Variants in NTRK3 observed in about 807,000 individuals in gnomAD.
The protein encoded by NTRK3 is NT-3 growth factor receptor.
A neutral mutation model predicts 91.7 loss-of-function variants in NTRK3; 24 were observed. That is an observed-to-expected ratio of 0.26 (90% CI 0.19 to 0.37). The LOEUF (loss-of-function observed/expected upper bound fraction) is 0.37. NTRK3 is among the 10% of genes least tolerant of loss of function. The pLI, the probability that NTRK3 is intolerant of heterozygous loss-of-function variation, is 1.00. For synonymous variants in NTRK3, 483 were observed against 404.0 expected (o/e 1.20, Z -2.34); for missense variants, 880 against 1,068.9 (o/e 0.82, Z 2.46).
intron 14 of NTRK3, among the ~76,000 whole-genome samples, chr15:88,003,913 T>C (rs1181505733): frequency 6.6e-6 from 1 of 151,680 alleles, no homozygotes; most frequent in Admixed American, 6.6e-5. Context: ...TGTATTCTCA[T>C]GGATGGAGAA....
At chr15:88,063,787 C>A (rs886394752) in intron 13 of NTRK3, among the ~76,000 whole-genome samples, 2 of 152,158 alleles carry the variant, frequency 1.3e-5, no homozygotes, top group East Asian at 3.9e-4. Flanking sequence ...TGAACCACTC[C>A]CCACAACTTC....
chr15:88,219,151 C>T (rs749664276), intron 3 of NTRK3, among the ~76,000 whole-genome samples: 1 of 152,222 alleles, frequency 6.6e-6, no homozygotes, highest in Non-Finnish European at 1.5e-5. Flanking sequence ...GGATGGCACC[C>T]GCCTGGGCAG....
intron 5 of NTRK3, among the ~76,000 whole-genome samples, chr15:88,176,815 T>C (rs2046041633): frequency 6.6e-6 from 1 of 152,194 alleles, no homozygotes; most frequent in East Asian, 1.9e-4. Flanking sequence ...GAGTATCAAC[T>C]CTTAAATAGC....
At chr15:87,893,439 C>T (rs1482917025) in intron 17 of NTRK3, among the ~76,000 whole-genome samples, 2 of 152,218 alleles carry the variant, frequency 1.3e-5, no homozygotes, top group Non-Finnish European at 1.5e-5. Context: ...GGGCAGAATG[C>T]CCCGCATGGC....
At chr15:88,251,969 A>C (rs2053431976) in intron 3 of NTRK3, among the ~76,000 whole-genome samples, 1 of 152,012 alleles carries the variant, frequency 6.6e-6, no homozygotes, top group Non-Finnish European at 1.5e-5. Context: ...TGTATGACAG[A>C]AGCTTGACCT....
At chr15:87,941,003 T>C (rs2069786813) in intron 14 of NTRK3, among the ~76,000 whole-genome samples, 1 of 152,206 alleles carries the variant, frequency 6.6e-6, no homozygotes, top group Admixed American at 6.5e-5. Context: ...CATCCTCTGC[T>C]GGCAAATGGA....
At chr15:88,192,830 T>C (rs1251538126) in intron 3 of NTRK3, among the ~76,000 whole-genome samples, 2 of 152,056 alleles carry the variant, frequency 1.3e-5, no homozygotes, top group African/African-American at 2.4e-5. Flanking sequence ...AAAATCACCT[T>C]CTCGGAGAAG....
intron 5 of NTRK3, among the ~76,000 whole-genome samples, chr15:88,170,944 C>A (rs1305032914): frequency 6.6e-6 from 1 of 152,168 alleles, no homozygotes; most frequent in Non-Finnish European, 1.5e-5. Context: ...CCACCCCAGG[C>A]CCTCTAGAGA....
chr15:87,995,463 T>C (rs2075619451), intron 14 of NTRK3, among the ~76,000 whole-genome samples: 1 of 152,136 alleles, frequency 6.6e-6, no homozygotes, highest in Non-Finnish European at 1.5e-5. Context: ...AAGTTATTCC[T>C]GGAATAAAGC....
intron 14 of NTRK3, among the ~76,000 whole-genome samples, chr15:87,948,194 C>T (rs1394123856): frequency 1.3e-5 from 2 of 152,210 alleles, no homozygotes; most frequent in South Asian, 2.1e-4. Context: ...CAGTTCTCCA[C>T]CTGGACAGAA....
intron 3 of NTRK3, among the ~76,000 whole-genome samples, chr15:88,218,570 T>G (rs889276064): frequency 3.9e-5 from 6 of 152,190 alleles, no homozygotes; most frequent in African/African-American, 1.4e-4. Context: ...TCATAGGACG[T>G]GATGATTCTG....
intron 13 of NTRK3, among the ~76,000 whole-genome samples, chr15:88,086,080 G>A (rs531362357): frequency 8.4e-4 from 128 of 152,336 alleles, no homozygotes; most frequent in South Asian, 2.9e-3. Flanking sequence ...TTCATAGGTA[G>A]GAGAGGTGTC....
At chr15:88,110,382 T>G (rs61236588) in intron 13 of NTRK3, among the ~76,000 whole-genome samples, 15 of 152,014 alleles carry the variant, frequency 9.9e-5, no homozygotes, top group African/African-American at 3.6e-4. Flanking sequence ...AGGAGAACAT[T>G]CTCCCCCAGA....
chr15:88,039,710 G>A (rs1207711032), intron 13 of NTRK3, among the ~76,000 whole-genome samples: 3 of 152,166 alleles, frequency 2.0e-5, no homozygotes, highest in Non-Finnish European at 2.9e-5. Context: ...CAGCAAGGCC[G>A]TTTTTATACT....
At position 88,135,216 on chromosome 15, in the gene NTRK3, C is replaced by T. The variant is rs754610877; in HGVS notation, c.1089G>A (p.Leu363=). 67 of 1,614,086 alleles carry T rather than the reference C, an allele frequency of 4.2e-5. No individual in the cohort carries two copies. The highest frequency in any genetic ancestry group is 5.4e-5 in the Non-Finnish European group (64 of 1,180,048). Reference sequence around the variant, plus strand: ...TGTAGTGGGTGGGCTTGTTGAAGAGCAGGCAGCCCTCGGAAATCTCTCCCT... The same window carrying T: ...TGTAGTGGGTGGGCTTGTTGAAGAGTAGGCAGCCCTCGGAAATCTCTCCCT... The change falls in exon 10 of 19, where the codon CTG becomes CTA. Residue 363 remains leucine, a synonymous_variant. Transcript: ENST00000394480.
chr15:88,117,092 T>A (rs1167984081), intron 13 of NTRK3, among the ~76,000 whole-genome samples: 3 of 152,192 alleles, frequency 2.0e-5, no homozygotes, highest in Non-Finnish European at 2.9e-5. Context: ...CACCCCTGAA[T>A]TAAGTGACCT....
intron 13 of NTRK3, among the ~76,000 whole-genome samples, chr15:88,056,940 A>G (rs1043414571): frequency 6.7e-6 from 1 of 149,990 alleles, no homozygotes; most frequent in Non-Finnish European, 1.5e-5. Flanking sequence ...GGAGGCCGAG[A>G]CGGGCGGATC....
intron 3 of NTRK3, among the ~76,000 whole-genome samples, chr15:88,191,977 C>A (rs151235775): frequency 1.3e-5 from 2 of 152,184 alleles, no homozygotes; most frequent in African/African-American, 4.8e-5. Context: ...CATGCCAGCA[C>A]GTTAGCACAC....
intron 3 of NTRK3, among the ~76,000 whole-genome samples, chr15:88,232,314 C>T (rs376224167): frequency 1.4e-5 from 2 of 142,450 alleles, no homozygotes. Flanking sequence ...CTTGTCACAT[C>T]CATCTTCCTT....
Sources: allele counts gnomAD v4.1 joint callset (sites outside exome capture counted in the v4.1 genomes callset), GRCh38; gene constraint gnomAD v4.1.1; transcripts MANE v1.5; gene names NCBI Gene and HGNC (gene_info 2026-07-23, HGNC 2026-07-21).